The following ZNF644 variants were observed in gnomAD, a reference collection of about 807,000 sequenced individuals.
ZNF644 encodes zinc finger motif enhancer binding protein 2.
A neutral mutation model predicts 108.0 loss-of-function variants in ZNF644; 20 were observed. The ratio of observed to expected loss-of-function variants is 0.19; its 90% CI spans 0.13 to 0.27. The LOEUF is 0.27. ZNF644 is among the 10% of genes least tolerant of loss of function. The pLI is 1.00. For missense variants in ZNF644, 1,338 were observed against 1,548.9 expected (o/e 0.86, Z 2.29); for synonymous variants, 542 against 539.1 (o/e 1.01, Z -0.08).
chr1:90,989,873 A>C (rs887147894), intron 1 of ZNF644, among the ~76,000 whole-genome samples: 2 of 152,226 alleles, frequency 1.3e-5, no homozygotes, highest in African/African-American at 4.8e-5. Context: ...GCCCATGTTC[A>C]CAACAGCATT....
intron 4 of ZNF644, among the ~76,000 whole-genome samples, chr1:90,920,816 A>T (rs1341709603): frequency 6.6e-6 from 1 of 152,108 alleles, no homozygotes; most frequent in Non-Finnish European, 1.5e-5. Context: ...CAAAGTTAAA[A>T]TATTAAAAAT....
intron 2 of ZNF644, among the ~76,000 whole-genome samples, chr1:90,968,750 A>G (rs903367730): frequency 1.3e-5 from 2 of 152,166 alleles, no homozygotes; most frequent in Non-Finnish European, 1.5e-5. Context: ...CAGATTTATG[A>G]TTCTTTTCCT....
At position 90,937,995 on chromosome 1, in the gene ZNF644, G is replaced by A; in HGVS notation, c.3178C>T (p.His1060Tyr). Residue 1060 changes from histidine (H) to tyrosine (Y), a missense_variant, in exon 4 of 6, where the codon CAC (histidine) becomes TAC (tyrosine). By Grantham distance (83) the His-to-Tyr change is moderately conservative. Around this residue, in one of 6 missense-constraint regions of ZNF644, gnomAD observed 287 missense variants for 310.9 expected, o/e 0.92. Transcript: ENST00000337393. ...TTCGTCTTTCCAAGTCTTTTCAAGT[G>A]GCCTCTAACATGATTTGATAATCCA... The part of the protein sequence containing the change: ...KIGLSNHVRG[H>Y]LKRLGKTKWD... The A allele has an allele frequency of 6.2e-7, 1 of 1,611,646 alleles. No individual in the cohort carries two copies.
intron 2 of ZNF644, among the ~76,000 whole-genome samples, chr1:90,977,717 T>C (rs1454324727): frequency 6.6e-6 from 1 of 152,190 alleles, no homozygotes; most frequent in African/African-American, 2.4e-5. Context: ...GATCCAGCAA[T>C]CTACTGCTAC....
At position 90,939,536 on chromosome 1, in the gene ZNF644, C is replaced by G. The variant is rs1209270473; in HGVS notation, c.1818G>C (p.Glu606Asp). The change falls in exon 3 of 6, where the codon GAG becomes GAC. Residue 606 changes from glutamate (E) to aspartate (D), a missense_variant. Glu to Asp is a conservative substitution (Grantham distance 45, BLOSUM62 2). This residue lies in a region of ZNF644 where 462 missense variants were observed against 472.6 expected (regional missense o/e 0.98). Transcript: ENST00000337393. ...CAACACATGATGATGAATGCAAGTACTCCGTGTGCTTTTTTAAAACACTTT... is the reference window on the plus strand; with the variant it reads ...CAACACATGATGATGAATGCAAGTAGTCCGTGTGCTTTTTTAAAACACTTT... Reference protein sequence around the residue: ...SAKSVLKKHTEYLHSSSCVDS... With the variant: ...SAKSVLKKHTDYLHSSSCVDS... 1 of 1,613,976 alleles carries G rather than the reference C, an allele frequency of 6.2e-7. No homozygotes were observed. Among genetic ancestry groups the G allele is most frequent in the Non-Finnish European group, 8.5e-7 (1 of 1,179,918 alleles).
chr1:90,935,552 T>C (rs1651222325), intron 4 of ZNF644: 1 of 985,726 alleles, frequency 1.0e-6, no homozygotes, highest in Non-Finnish European at 1.2e-6. Flanking sequence ...AAGAAAACTA[T>C]AATCCAGTTC....
chr1:90,934,352 A>C (rs1179457779), intron 4 of ZNF644, among the ~76,000 whole-genome samples: 1 of 152,222 alleles, frequency 6.6e-6, no homozygotes, highest in Non-Finnish European at 1.5e-5. Flanking sequence ...GAGGAAGAAC[A>C]AAAAAGCTGG....
rs376279297 is a variant in ZNF644, at chr1:90,957,192, G to A, written c.45-15883C>T. Among the ~76,000 whole-genome samples, 107 of 152,124 alleles carry A rather than the reference G, an allele frequency of 7.0e-4. 1 individual carries two copies. The highest frequency in any genetic ancestry group is 2.6e-3 in the African/African-American group (106 of 41,500). On this transcript the variant is annotated intron_variant, in intron 2 of 5. Coordinates refer to ENST00000337393, the MANE Select transcript of ZNF644 (RefSeq NM_201269.3). ...CCCAAATGGAAAAATCCAGGACTAT[G>A]CGGTTTCACTGGTAAATTCTATGAA...
chr1:90,973,622 G>A (rs1193848765), intron 2 of ZNF644, among the ~76,000 whole-genome samples: 3 of 152,210 alleles, frequency 2.0e-5, no homozygotes, highest in South Asian at 4.2e-4. Context: ...TGTGTTAAGT[G>A]TAGAAAGAGT....
intron 2 of ZNF644, among the ~76,000 whole-genome samples, chr1:90,967,040 A>G (rs1359117424): frequency 6.6e-6 from 1 of 152,156 alleles, no homozygotes; most frequent in Non-Finnish European, 1.5e-5. Flanking sequence ...TCTGTAAAAC[A>G]CATTTTCCCT....
intron 1 of ZNF644, among the ~76,000 whole-genome samples, chr1:91,020,220 A>G (rs954127278): frequency 6.6e-6 from 1 of 152,098 alleles, no homozygotes. Flanking sequence ...ATTAGAAGCT[A>G]AAAAAAGAGA....
At chr1:91,011,588 C>T (rs1659963422) in intron 1 of ZNF644, among the ~76,000 whole-genome samples, 1 of 151,968 alleles carries the variant, frequency 6.6e-6, no homozygotes, top group African/African-American at 2.4e-5. Flanking sequence ...GGGAAAAAAA[C>T]TGATTCAAGC....
intron 5 of ZNF644, 152 bp from the exon 6 acceptor site, chr1:90,917,142 C>A: frequency 1.3e-6 from 1 of 771,474 alleles, no homozygotes; most frequent in South Asian, 1.8e-5. Flanking sequence ...AATAAAACAT[C>A]AAAACTCCCA....
intron 1 of ZNF644, among the ~76,000 whole-genome samples, chr1:91,011,910 G>A (rs567585303): frequency 1.6e-4 from 24 of 152,222 alleles, no homozygotes; most frequent in Admixed American, 1.0e-3. Flanking sequence ...ATATAAGGAG[G>A]CAATCCACAA....
intron 4 of ZNF644, among the ~76,000 whole-genome samples, chr1:90,918,836 T>C (rs1649099967): frequency 6.6e-6 from 1 of 152,146 alleles, no homozygotes; most frequent in African/African-American, 2.4e-5. Flanking sequence ...CATATAAGTT[T>C]TATTTTACTA....
chr1:90,963,054 A>C (rs1189144852), intron 2 of ZNF644, among the ~76,000 whole-genome samples: 3 of 152,160 alleles, frequency 2.0e-5, no homozygotes, highest in Non-Finnish European at 2.9e-5. Context: ...TGTAACTAAC[A>C]AAGAGTCTGT....
chr1:90,954,673 C>T (rs1373480207), intron 2 of ZNF644, among the ~76,000 whole-genome samples: 1 of 152,152 alleles, frequency 6.6e-6, no homozygotes, highest in Non-Finnish European at 1.5e-5. Flanking sequence ...TCCCAAAGTG[C>T]TAGGATTACA....
chr1:90,982,112 G>A (rs358690), intron 2 of ZNF644, among the ~76,000 whole-genome samples, 198 bp downstream of exon 2: 53,871 of 151,878 alleles, frequency 0.35, 10,369 homozygotes, highest in Non-Finnish European at 0.44. Flanking sequence ...TAAAAATTTA[G>A]TTCCACAATG....
Position 90,918,041 on chromosome 1 carries a change from T to C in ZNF644, c.3791+11A>G, listed in dbSNP as rs745482071. The C allele has an allele frequency of 6.5e-5, 105 of 1,606,684 alleles. No homozygotes were observed. The Admixed American group carries it at 1.3e-3, about 20-fold the overall frequency. ...AAGAAACTGATCAGATTTGGCAATA[T>C]AGGCATATACCTGCATCGGAGAATG... On this transcript the variant is annotated intron_variant, in intron 5 of 5. Transcript: ENST00000337393.
Sources: allele counts gnomAD v4.1 joint callset (sites outside exome capture counted in the v4.1 genomes callset), GRCh38; gene constraint gnomAD v4.1.1; regional missense constraint gnomAD v4.1.1; transcripts MANE v1.5; gene names NCBI Gene and HGNC (gene_info 2026-07-23, HGNC 2026-07-21).